HOMER1: variants seen among roughly 807,000 people sequenced by gnomAD.
The protein encoded by HOMER1 is homer protein homolog 1.
Under a neutral mutation model 48.9 loss-of-function variants are expected in HOMER1, and 3 were observed. The ratio of observed to expected loss-of-function variants is 0.06; its 90% CI spans 0.03 to 0.16. The LOEUF is 0.16. HOMER1 is among the 10% of genes least tolerant of loss of function. The pLI, the probability that HOMER1 is intolerant of heterozygous loss-of-function variation, is 1.00. For synonymous variants in HOMER1, 134 were observed against 146.4 expected (o/e 0.92, Z 0.61); for missense variants, 247 against 411.4 (o/e 0.60, Z 3.46).
At chr5:79,407,407 C>T (rs778249784) in intron 5 of HOMER1, among the ~76,000 whole-genome samples, 4 of 151,868 alleles carry the variant, frequency 2.6e-5, no homozygotes, top group Non-Finnish European at 4.4e-5. Flanking sequence ...TTGAATAAAT[C>T]AAGGAAGTAA....
At chr5:79,495,227 G>A (rs1034961794) in intron 1 of HOMER1, among the ~76,000 whole-genome samples, 2 of 151,956 alleles carry the variant, frequency 1.3e-5, no homozygotes, top group African/African-American at 4.8e-5. Flanking sequence ...TCATGATCTG[G>A]CCTCTATCCT....
intron 4 of HOMER1, among the ~76,000 whole-genome samples, chr5:79,446,471 T>C (rs1750886100): frequency 6.6e-6 from 1 of 152,206 alleles, no homozygotes; most frequent in African/African-American, 2.4e-5. Context: ...CCCTTGTGGT[T>C]ACATTTGACT....
At chr5:79,376,281 G>A (rs1358465440) in intron 8 of HOMER1, 84 bp from the exon 9 acceptor site, 17 of 966,508 alleles carry the variant, frequency 1.8e-5, no homozygotes, top group South Asian at 3.7e-5. Context: ...CCAATATTGC[G>A]GTAATCAATG....
intron 8 of HOMER1, among the ~76,000 whole-genome samples, chr5:79,391,173 T>C (rs1749241435): frequency 6.6e-6 from 1 of 150,728 alleles, no homozygotes. Context: ...GGTCTTGTTC[T>C]GTCTCCAGTG....
At chr5:79,409,917 G>C (rs938094499) in intron 5 of HOMER1, among the ~76,000 whole-genome samples, 3 of 152,148 alleles carry the variant, frequency 2.0e-5, no homozygotes, top group African/African-American at 7.2e-5. Flanking sequence ...TACGCTGTTG[G>C]TAGGAATGTA....
In HOMER1 at chr5:79,375,675, A is replaced by C. The variant is rs1748751520; in HGVS notation, c.*334T>G. On this transcript the variant is annotated 3_prime_UTR_variant, in exon 9 of 9. Coordinates refer to ENST00000334082, the MANE Select transcript of HOMER1 (RefSeq NM_004272.5). The stretch of plus-strand genomic sequence containing the variant: ...GTGTTGAACACAAAAAGGGGATGTG[A>C]CCTAGACATTGTTAATTCTCCCATT... 5.5e-6 allele frequency: 1 copy of C among 181,324 alleles called. No individual in the cohort carries two copies. Among genetic ancestry groups the C allele is most frequent in the African/African-American group, 2.3e-5 (1 of 42,738 alleles). The allele number at this position is 181,324 out of a possible 1,614,324, so 11.2% of individuals were successfully genotyped here. A position where few individuals can be genotyped will look rare whatever the true frequency, so the allele number is the denominator to read the frequency against.
At chr5:79,457,706 G>A (rs1415777192) in intron 1 of HOMER1, among the ~76,000 whole-genome samples, 1 of 152,150 alleles carries the variant, frequency 6.6e-6, no homozygotes, top group Non-Finnish European at 1.5e-5. Context: ...GTTATGTATT[G>A]ATTAGTTGAT....
At chr5:79,415,559 A>G (rs1170863554) in intron 5 of HOMER1, among the ~76,000 whole-genome samples, 2 of 152,226 alleles carry the variant, frequency 1.3e-5, no homozygotes, top group Non-Finnish European at 2.9e-5. Context: ...ATCTATGTCC[A>G]CGTAAACCTA....
chr5:79,443,623 A>C (rs1231262835), intron 4 of HOMER1, among the ~76,000 whole-genome samples: 2 of 152,214 alleles, frequency 1.3e-5, no homozygotes, highest in Non-Finnish European at 2.9e-5. Flanking sequence ...TCAGTTGTTA[A>C]CATTTATTAG....
intron 8 of HOMER1, among the ~76,000 whole-genome samples, chr5:79,389,483 G>C (rs182778675): frequency 6.6e-6 from 1 of 152,148 alleles, no homozygotes; most frequent in Admixed American, 6.5e-5. Context: ...TTAAGAAGTG[G>C]AGCCTTTAAG....
At chr5:79,496,122 T>G (rs951638356) in intron 1 of HOMER1, among the ~76,000 whole-genome samples, 12 of 152,248 alleles carry the variant, frequency 7.9e-5, no homozygotes, top group Admixed American at 5.9e-4. Context: ...ATAATAAAAG[T>G]GCCTGCAAAG....
intron 1 of HOMER1, among the ~76,000 whole-genome samples, chr5:79,493,134 G>T (rs909638930): frequency 3.9e-5 from 6 of 151,966 alleles, no homozygotes; most frequent in Non-Finnish European, 8.8e-5. Context: ...GGCCAGGCTG[G>T]TCTTGAACTC....
chr5:79,401,122 T>C (rs1749525946), intron 6 of HOMER1, among the ~76,000 whole-genome samples: 1 of 151,908 alleles, frequency 6.6e-6, no homozygotes, highest in Non-Finnish European at 1.5e-5. Context: ...GTTAATAATT[T>C]TCTACTTGTA....
At chr5:79,426,218 C>T (rs1750246699) in intron 5 of HOMER1, among the ~76,000 whole-genome samples, 1 of 151,980 alleles carries the variant, frequency 6.6e-6, no homozygotes, top group Non-Finnish European at 1.5e-5. Context: ...GTGGATGTTC[C>T]TTAAAAGACT....
At chr5:79,497,620 G>A (rs139406641) in intron 1 of HOMER1, among the ~76,000 whole-genome samples, 313 of 148,938 alleles carry the variant, frequency 2.1e-3, no homozygotes, top group African/African-American at 7.6e-3. Context: ...AGCCAAGATC[G>A]TGTACTGCAG....
intron 8 of HOMER1, among the ~76,000 whole-genome samples, chr5:79,392,954 G>GGAGAGAGAGAGAGAGAGAGAGA (rs3082001): frequency 2.1e-5 from 3 of 140,960 alleles, no homozygotes; most frequent in South Asian, 2.4e-4. Context: ...GAAGGGAAAG[G>GGAGAGAGAGAGAGAGAGAGAGA]GAGAGAGAGA....
At chr5:79,494,539 A>G (rs1367405517) in intron 1 of HOMER1, among the ~76,000 whole-genome samples, 1 of 152,194 alleles carries the variant, frequency 6.6e-6, no homozygotes, top group Non-Finnish European at 1.5e-5. Flanking sequence ...ATTACTCTTG[A>G]CTAAATTGCT....
At chr5:79,499,226 G>A (rs1013973159) in intron 1 of HOMER1, among the ~76,000 whole-genome samples, 13 of 152,154 alleles carry the variant, frequency 8.5e-5, no homozygotes, top group African/African-American at 3.1e-4. Flanking sequence ...ACTAGAGCCT[G>A]CCTATGTATT....
chr5:79,404,893 G>T (rs1749625744), intron 5 of HOMER1, among the ~76,000 whole-genome samples: 1 of 149,998 alleles, frequency 6.7e-6, no homozygotes. Flanking sequence ...ATTTTTAGTA[G>T]AGATAGGGTT....
Sources: allele counts gnomAD v4.1 joint callset (sites outside exome capture counted in the v4.1 genomes callset), GRCh38; gene constraint gnomAD v4.1.1; transcripts MANE v1.5; gene names NCBI Gene and HGNC (gene_info 2026-07-23, HGNC 2026-07-21).